Variants in GPC5 observed in about 807,000 individuals in gnomAD.
The protein encoded by GPC5 is glypican 5, also known as glypican-5.
A neutral mutation model predicts 53.9 loss-of-function variants in GPC5; 47 were observed. That is an observed-to-expected ratio of 0.87 (90% CI 0.69 to 1.11). The LOEUF is 1.11. Among genes scored for constraint, GPC5 ranks in the 50% most tolerant of loss-of-function variants. GPC5 has a pLI of 0.00. For synonymous variants in GPC5, 286 were observed against 263.3 expected (o/e 1.09, Z -0.84); for missense variants, 748 against 713.1 (o/e 1.05, Z -0.56).
chr13:92,071,545 C>CTT, intron 6 of GPC5, among the ~76,000 whole-genome samples: 1 of 152,078 alleles, frequency 6.6e-6, no homozygotes, highest in South Asian at 2.1e-4. Flanking sequence ...GCTGAGTAAA[C>CTT]TTTTCTTATC....
chr13:92,191,569 T>A (rs4516082), intron 7 of GPC5, among the ~76,000 whole-genome samples: 31,351 of 152,156 alleles, frequency 0.21, 4,362 homozygotes, highest in East Asian at 0.69. Flanking sequence ...AGTACATGGA[T>A]CTTTACAGCA....
chr13:91,999,619 CAATA>C (rs2040536570), intron 6 of GPC5, among the ~76,000 whole-genome samples: 1 of 152,138 alleles, frequency 6.6e-6, no homozygotes, highest in Non-Finnish European at 1.5e-5. Context: ...ACAACATAAT[CAATA>C]AATAGTCATT....
At chr13:91,887,245 C>G (rs1362901799) in intron 5 of GPC5, among the ~76,000 whole-genome samples, 1 of 152,072 alleles carries the variant, frequency 6.6e-6, no homozygotes, top group Non-Finnish European at 1.5e-5. Context: ...GAGCTGTACC[C>G]TGGTGTCTCC....
At chr13:91,729,006 G>A (rs967515140) in intron 4 of GPC5, among the ~76,000 whole-genome samples, 1 of 152,150 alleles carries the variant, frequency 6.6e-6, no homozygotes. Flanking sequence ...GTGGCTAGTG[G>A]CTACTGACTG....
chr13:92,014,350 T>C (rs1046467486), intron 6 of GPC5, among the ~76,000 whole-genome samples: 3 of 152,282 alleles, frequency 2.0e-5, no homozygotes, highest in Non-Finnish European at 4.4e-5. Context: ...TGGGCTTTCA[T>C]TGTGTTTCTT....
intron 2 of GPC5, among the ~76,000 whole-genome samples, chr13:91,549,449 A>G (rs1338853516): frequency 6.6e-6 from 1 of 152,168 alleles, no homozygotes; most frequent in Non-Finnish European, 1.5e-5. Flanking sequence ...GATGATGTCA[A>G]GAGAATGAGA....
At chr13:91,837,911 G>T (rs185454918) in intron 5 of GPC5, among the ~76,000 whole-genome samples, 1 of 152,062 alleles carries the variant, frequency 6.6e-6, no homozygotes, top group Non-Finnish European at 1.5e-5. Flanking sequence ...GTCATCCAAG[G>T]AGTGTTTTTA....
chr13:92,728,071 T>C (rs1200379325), intron 7 of GPC5, among the ~76,000 whole-genome samples: 1 of 151,476 alleles, frequency 6.6e-6, no homozygotes, highest in Non-Finnish European at 1.5e-5. Flanking sequence ...AGAACTACAA[T>C]GTTTCTAAGA....
chr13:92,800,390 C>A (rs1190635301), intron 7 of GPC5, among the ~76,000 whole-genome samples: 4 of 151,718 alleles, frequency 2.6e-5, no homozygotes, highest in African/African-American at 9.7e-5. Context: ...CAAGTCAAAC[C>A]CTAACTACAC....
chr13:91,747,461 C>T (rs551506642), intron 4 of GPC5, among the ~76,000 whole-genome samples: 59 of 152,308 alleles, frequency 3.9e-4, no homozygotes, highest in Non-Finnish European at 3.7e-4. Context: ...GTGCTACAGC[C>T]TTTTTCTACT....
At chr13:91,678,891 C>T (rs138919924) in intron 2 of GPC5, among the ~76,000 whole-genome samples, 3 of 152,158 alleles carry the variant, frequency 2.0e-5, no homozygotes, top group Non-Finnish European at 4.4e-5. Flanking sequence ...TCTTTTCTAG[C>T]ACTTGGATAT....
intron 1 of GPC5, among the ~76,000 whole-genome samples, chr13:91,446,461 TG>T (rs1312565498): frequency 6.6e-6 from 1 of 152,188 alleles, no homozygotes; most frequent in African/African-American, 2.4e-5. Context: ...CTCCAGAGCC[TG>T]GGTTGTGTAC....
intron 7 of GPC5, among the ~76,000 whole-genome samples, chr13:92,459,294 G>C (rs1222240142): frequency 6.6e-6 from 1 of 152,116 alleles, no homozygotes; most frequent in Admixed American, 6.6e-5. Context: ...CTATGAGTTA[G>C]GGAGACCAAA....
intron 7 of GPC5, among the ~76,000 whole-genome samples, chr13:92,221,771 C>T (rs1164187589): frequency 6.6e-6 from 1 of 152,112 alleles, no homozygotes; most frequent in Non-Finnish European, 1.5e-5. Flanking sequence ...TAAAGAATCA[C>T]TAGAATCCAG....
chr13:92,133,895 T>C (rs1450441791), intron 6 of GPC5, among the ~76,000 whole-genome samples: 1 of 152,170 alleles, frequency 6.6e-6, no homozygotes, highest in Non-Finnish European at 1.5e-5. Context: ...GATTAGTTAG[T>C]ATTGTCAATT....
At chr13:91,637,884 ACTC>A (rs2034323115) in intron 2 of GPC5, among the ~76,000 whole-genome samples, 1 of 152,024 alleles carries the variant, frequency 6.6e-6, no homozygotes, top group South Asian at 2.1e-4. Context: ...TTCTTCAAGA[ACTC>A]CTCTGTGAAG....
At chr13:91,746,968 CTGTT>C (rs66503315) in intron 4 of GPC5, among the ~76,000 whole-genome samples, 1,708 of 152,248 alleles carry the variant, frequency 0.011, 36 homozygotes, top group African/African-American at 0.04. Context: ...GTTGGTCTGT[CTGTT>C]TGTCTGTCTT....
Position 91,651,298 on chromosome 13 carries a change from T to C in GPC5, c.326-41889T>C, listed in dbSNP as rs1594381892. 2.0e-5 allele frequency among the ~76,000 whole-genome samples: 3 copies of C among 152,308 alleles called. No homozygotes were observed. The South Asian group carries it at 6.2e-4, about 32-fold the overall frequency. On this transcript the variant is annotated intron_variant, in intron 2 of 7. Transcript: ENST00000377067. The stretch of plus-strand genomic sequence containing the variant: ...TCTGAATAAAAACATATCTGATAAA[T>C]ATTTTGATAGTATTGTAGTTTTGAG...
At chr13:91,471,197 C>G (rs922418965) in intron 2 of GPC5, among the ~76,000 whole-genome samples, 4 of 152,082 alleles carry the variant, frequency 2.6e-5, no homozygotes, top group Non-Finnish European at 4.4e-5. Context: ...ACAGTCACCC[C>G]CTTGGGGCAG....
Sources: gnomAD v4.1 joint callset for allele counts (sites outside exome capture counted in the v4.1 genomes callset) on GRCh38, gnomAD v4.1.1 for gene constraint, MANE v1.5 for transcripts, NCBI Gene and HGNC (gene_info 2026-07-23, HGNC 2026-07-21) for gene names.